Variants in CALM3 observed in about 807,000 individuals in gnomAD.
The protein encoded by CALM3 is calmodulin-3.
Under a neutral mutation model 20.1 loss-of-function variants are expected in CALM3, and 5 were observed. The ratio of observed to expected loss-of-function variants is 0.25; its 90% CI spans 0.13 to 0.52. The LOEUF is 0.52. Among genes scored for constraint, CALM3 ranks in the 20% least tolerant of loss-of-function variants. CALM3 has a pLI of 0.96. For missense variants in CALM3, 57 were observed against 192.8 expected, an observed-to-expected ratio of 0.30 and a Z score of 4.17; for synonymous variants, 69 against 68.1, an observed-to-expected ratio of 1.01 and a Z score of -0.06.
At chr19:46,606,234 T>TTTA in intron 2 of CALM3, 3 of 212,506 alleles carry the variant, frequency 1.4e-5, no homozygotes, top group Non-Finnish European at 2.8e-5. Context: ...TGTCCCACTT[T>TTTA]AGGAGCCGCC....
At position 46,610,431 on chromosome 19, in the gene CALM3, C is replaced by T. The variant is rs28678916; in HGVS notation, c.*1278C>T. On this transcript the variant is annotated 3_prime_UTR_variant, in exon 6 of 6. Coordinates refer to ENST00000291295, the MANE Select transcript of CALM3 (RefSeq NM_005184.4). Reference sequence around the variant, plus strand: ...GGCAGTTCAGTCGTCTGGGTTTTTTCCCCTTTTCTGTTCATTTCATCTGGC... The same window carrying T: ...GGCAGTTCAGTCGTCTGGGTTTTTTTCCCTTTTCTGTTCATTTCATCTGGC... The T allele has an allele frequency of 2.6e-5, 4 of 152,298 alleles. No individual in the cohort carries two copies. In the East Asian group the frequency reaches 7.7e-4, roughly 29 times the overall value. The allele number at this position is 152,298 out of a possible 1,614,324, so 9.4% of individuals were successfully genotyped here.
intron 1 of CALM3, chr19:46,602,065 G>C: frequency 7.7e-7 from 1 of 1,298,016 alleles, no homozygotes; most frequent in Non-Finnish European, 1.0e-6. Context: ...GGTCTCCAGA[G>C]CCCAGCACTG....
At chr19:46,603,216 C>T (rs1254474398) in intron 1 of CALM3, among the ~76,000 whole-genome samples, 1 of 152,240 alleles carries the variant, frequency 6.6e-6, no homozygotes, top group Non-Finnish European at 1.5e-5. Context: ...GACCTGATGG[C>T]TCCTCTTGCC....
In CALM3 at chr19:46,608,158, G is replaced by A. The variant is rs550294796; in HGVS notation, c.35-39G>A. The stretch of plus-strand genomic sequence containing the variant: ...ATCCAGAGGTAAGGATTCTCCTGTG[G>A]ACCTTGTGACCTCTGACTCCTCCCC... On this transcript the variant is annotated intron_variant, in intron 2 of 5. Coordinates refer to ENST00000291295, the MANE Select transcript of CALM3 (RefSeq NM_005184.4). This position sits in a 1 kb window ranked among gnomAD's most constrained non-coding sequence, Gnocchi z 5.5. 37 of 1,600,558 alleles carry A rather than the reference G, an allele frequency of 2.3e-5. No homozygotes were observed. The South Asian group carries it at 4.2e-4, about 18-fold the overall frequency.
Position 46,601,402 on chromosome 19 carries a change from G to A in CALM3, c.-33G>A, listed in dbSNP as rs1296095572. On this transcript the variant is annotated 5_prime_UTR_variant, in exon 1 of 6. Coordinates refer to ENST00000291295, the MANE Select transcript of CALM3 (RefSeq NM_005184.4). This position sits in a 1 kb window ranked among gnomAD's most constrained non-coding sequence, Gnocchi z 4.2. The stretch of plus-strand genomic sequence containing the variant: ...CTGCTGCCGCCGCCGGAGGAACCTT[G>A]ATCCCCGTGCTCCGGACACCCCGGG... The A allele has an allele frequency of 8.0e-6, 12 of 1,505,776 alleles. No homozygotes were observed. The highest frequency in any genetic ancestry group is 1.4e-5 in the African/African-American group (1 of 69,288). The allele number at this position is 1,505,776 out of a possible 1,614,324, so 93.3% of individuals were successfully genotyped here. A position where few individuals can be genotyped will look rare whatever the true frequency, so the allele number is the denominator to read the frequency against.
At chr19:46,601,124 C>T, upstream of CALM3, 1 of 755,290 alleles carries the variant, frequency 1.3e-6, no homozygotes, top group Non-Finnish European at 2.1e-6. This position sits in a 1 kb window ranked among gnomAD's most constrained non-coding sequence, Gnocchi z 4.2. Context: ...GCGCGCCCGG[C>T]GGCAAACCCA....
intron 2 of CALM3, among the ~76,000 whole-genome samples, chr19:46,607,633 G>A (rs969617757): frequency 3.3e-5 from 5 of 152,056 alleles, no homozygotes; most frequent in South Asian, 2.1e-4. Flanking sequence ...CCACCCCCAC[G>A]CTCACCACAC....
chr19:46,605,776 C>A lies in CALM3; in HGVS notation c.4-51C>A. ...GGGTCTGGGCTGAGTGAGGAAGATGCGTCCGTGCTGTCCGGCCTGGTGACT... is the reference window on the plus strand; with the variant it reads ...GGGTCTGGGCTGAGTGAGGAAGATGAGTCCGTGCTGTCCGGCCTGGTGACT... On this transcript the variant is annotated intron_variant, in intron 1 of 5. Transcript: ENST00000291295. The surrounding 1 kb of genome is among the most constrained non-coding windows in gnomAD (Gnocchi z 4.1). 1.3e-6 allele frequency: 2 copies of A among 1,597,550 alleles called. No homozygotes were observed. The highest frequency in any genetic ancestry group is 1.3e-5 in the African/African-American group (1 of 74,710).
Position 46,606,266 on chromosome 19 carries a change from C to T in CALM3, c.34+409C>T, listed in dbSNP as rs1464948344. On this transcript the variant is annotated intron_variant, in intron 2 of 5. Transcript: ENST00000291295. ...CGCCCAGGAGCTGGCTCGTCACTCC[C>T]ACCTCTGCGCTTGCCTGCGCTTTGC... 8.1e-5 allele frequency: 16 copies of T among 198,146 alleles called. No individual in the cohort carries two copies. In the East Asian group the frequency reaches 2.2e-3, roughly 27 times the overall value. 12.3% of individuals were successfully genotyped at this position (198,146 alleles called of 1,614,324 possible).
rs1478765429 is a variant in CALM3, at chr19:46,608,827, C to G, written c.286-19C>G. ...ACCGGGAGAAGTGCCCAGTGAAAGG[C>G]TTTATCCCCAACCCCCAGGATGGGA... On this transcript the variant is annotated intron_variant, in intron 4 of 5. Transcript: ENST00000291295. The surrounding 1 kb of genome is among the most constrained non-coding windows in gnomAD (Gnocchi z 5.5). 6.5e-7 allele frequency: 1 copy of G among 1,540,196 alleles called. No homozygotes were observed. The highest frequency in any genetic ancestry group is 8.7e-7 in the Non-Finnish European group (1 of 1,145,806).
chr19:46,608,372 C>T lies in CALM3; in HGVS notation c.178+32C>T. On this transcript the variant is annotated intron_variant, in intron 3 of 5. Coordinates refer to ENST00000291295, the MANE Select transcript of CALM3 (RefSeq NM_005184.4). The surrounding 1 kb of genome is among the most constrained non-coding windows in gnomAD (Gnocchi z 5.5). The stretch of plus-strand genomic sequence containing the variant: ...CCCACAGAGCGCGTGGGCAGCCCTG[C>T]TCCTGGTCACCCCGAGTGACTGCAG... 1.9e-6 allele frequency: 3 copies of T among 1,612,126 alleles called. No individual in the cohort carries two copies. The highest frequency in any genetic ancestry group is 1.7e-6 in the Non-Finnish European group (2 of 1,179,154).
chr19:46,604,806 C>G (rs1465300494), intron 1 of CALM3, among the ~76,000 whole-genome samples: 3 of 152,024 alleles, frequency 2.0e-5, no homozygotes, highest in Non-Finnish European at 4.4e-5. Flanking sequence ...ATGGTGGTGC[C>G]TTCTTCACAG....
At chr19:46,607,546 G>A (rs1035514685) in intron 2 of CALM3, among the ~76,000 whole-genome samples, 1 of 152,168 alleles carries the variant, frequency 6.6e-6, no homozygotes, top group African/African-American at 2.4e-5. Context: ...TCATCCTCCT[G>A]GCTTGGCAGC....
At position 46,608,207 on chromosome 19, in the gene CALM3, G is replaced by T. The variant is rs1366326090; in HGVS notation, c.45G>T (p.Glu15Asp). 2 of 1,613,756 alleles carry T rather than the reference G, an allele frequency of 1.2e-6. No individual in the cohort carries two copies. ...CCCTTCTTCCCCCAGAGTTCAAGGA[G>T]GCCTTCTCCCTCTTTGACAAGGATG... ...LTEEQIAEFKEAFSLFDKDGD... is the reference protein window; with the variant it reads ...LTEEQIAEFKDAFSLFDKDGD... Residue 15 changes from glutamate (E) to aspartate (D), a missense_variant, in exon 3 of 6, where the codon GAG becomes GAT. Coordinates refer to ENST00000291295, the MANE Select transcript of CALM3 (RefSeq NM_005184.4). The surrounding 1 kb of genome is among the most constrained non-coding windows in gnomAD (Gnocchi z 5.5).
At position 46,601,413 on chromosome 19, in the gene CALM3, T is replaced by C; in HGVS notation, c.-22T>C. The stretch of plus-strand genomic sequence containing the variant: ...GCCGGAGGAACCTTGATCCCCGTGC[T>C]CCGGACACCCCGGGCCTCGCCATGG... On this transcript the variant is annotated 5_prime_UTR_variant, in exon 1 of 6. Coordinates refer to ENST00000291295, the MANE Select transcript of CALM3 (RefSeq NM_005184.4). The surrounding 1 kb of genome is among the most constrained non-coding windows in gnomAD (Gnocchi z 4.2). The C allele has an allele frequency of 2.7e-6, 4 of 1,508,394 alleles. No individual in the cohort carries two copies. The highest frequency in any genetic ancestry group is 3.5e-6 in the Non-Finnish European group (4 of 1,130,964). 93.4% of individuals were successfully genotyped at this position (1,508,394 alleles called of 1,614,324 possible).
Position 46,608,057 on chromosome 19 carries a change from G to A in CALM3, c.35-140G>A, listed in dbSNP as rs924256171. 4.8e-5 allele frequency: 36 copies of A among 743,952 alleles called. 1 individual carries two copies. The highest frequency in any genetic ancestry group is 4.0e-4 in the Middle Eastern group (1 of 2,508). 46.1% of individuals were successfully genotyped at this position (743,952 alleles called of 1,614,324 possible). ...GCACTGAGGAGAGAGAGCTGGTTGC[G>A]TGGGACTTGAAGTCTGTCTCAGTTT... On this transcript the variant is annotated intron_variant, in intron 2 of 5. Coordinates refer to ENST00000291295, the MANE Select transcript of CALM3 (RefSeq NM_005184.4). This position sits in a 1 kb window ranked among gnomAD's most constrained non-coding sequence, Gnocchi z 5.5.
At chr19:46,602,084 G>A (rs1288341061) in intron 1 of CALM3, 1 of 1,306,360 alleles carries the variant, frequency 7.7e-7, no homozygotes, top group Admixed American at 2.3e-5. Flanking sequence ...TGCAGAGGAG[G>A]AGGAGGGTGA....
rs1290553617 is a variant in CALM3 at position 46,605,531 on chromosome 19, G to A, written c.4-296G>A. ...GGGCAGGCTTTTCTCCCGCCCCTGTGGCTCCCACATGCTGAGTTGAGATTG... is the reference window on the plus strand; with the variant it reads ...GGGCAGGCTTTTCTCCCGCCCCTGTAGCTCCCACATGCTGAGTTGAGATTG... On this transcript the variant is annotated intron_variant, in intron 1 of 5. Transcript: ENST00000291295. The surrounding 1 kb of genome is among the most constrained non-coding windows in gnomAD (Gnocchi z 4.1). Among the ~76,000 whole-genome samples, 1 of 152,250 alleles carries A rather than the reference G, an allele frequency of 6.6e-6. No homozygotes were observed. Among genetic ancestry groups the A allele is most frequent in the Non-Finnish European group, 1.5e-5 (1 of 68,048 alleles).
intron 1 of CALM3, among the ~76,000 whole-genome samples, chr19:46,604,980 C>T (rs962607319): frequency 1.3e-5 from 2 of 152,144 alleles, no homozygotes; most frequent in Non-Finnish European, 2.9e-5. Context: ...ATCTCCTCCC[C>T]ACCCCCAAAC....
Sources: allele counts gnomAD v4.1 joint callset (sites outside exome capture counted in the v4.1 genomes callset), GRCh38; gene constraint gnomAD v4.1.1; non-coding constraint Gnocchi (gnomAD v3.1); transcripts MANE v1.5; gene names NCBI Gene and HGNC (gene_info 2026-07-23, HGNC 2026-07-21).